Variants in UBL3 observed in about 807,000 individuals in gnomAD.
The protein encoded by UBL3 is ubiquitin-like protein 3.
A neutral mutation model predicts 18.4 loss-of-function variants in UBL3; 6 were observed. The ratio of observed to expected loss-of-function variants is 0.33; its 90% CI spans 0.18 to 0.64. The LOEUF is 0.64. UBL3 is among the 30% of genes least tolerant of loss of function. UBL3 has a pLI of 0.76. For missense variants in UBL3, 109 were observed against 142.9 expected (o/e 0.76, Z 1.21); for synonymous variants, 49 against 46.6 (o/e 1.05, Z -0.21).
At chr13:29,811,045 C>A (rs1878066033) in intron 1 of UBL3, among the ~76,000 whole-genome samples, 1 of 151,988 alleles carries the variant, frequency 6.6e-6, no homozygotes, top group Non-Finnish European at 1.5e-5. Context: ...CAAAGCACTG[C>A]TAGGGAAAAG....
At chr13:29,817,559 A>C (rs1287715049) in intron 1 of UBL3, among the ~76,000 whole-genome samples, 2 of 152,250 alleles carry the variant, frequency 1.3e-5, no homozygotes, top group African/African-American at 4.8e-5. Flanking sequence ...GAAATGTATT[A>C]GAAAGGAAAG....
At chr13:29,829,922 A>G (rs1878731973) in intron 1 of UBL3, among the ~76,000 whole-genome samples, 1 of 152,230 alleles carries the variant, frequency 6.6e-6, no homozygotes, top group Non-Finnish European at 1.5e-5. Context: ...GCTTAAATTA[A>G]TCATCTAATA....
chr13:29,842,917 C>A (rs1471201652), intron 1 of UBL3, among the ~76,000 whole-genome samples: 3 of 152,208 alleles, frequency 2.0e-5, no homozygotes, highest in African/African-American at 7.2e-5. Flanking sequence ...CTCCTAAAAT[C>A]CTACTCAGAC....
chr13:29,809,143 A>C (rs1877973260), intron 1 of UBL3, among the ~76,000 whole-genome samples: 2 of 152,166 alleles, frequency 1.3e-5, no homozygotes, highest in Non-Finnish European at 2.9e-5. Flanking sequence ...ACAGCGATGA[A>C]GACAGGTAAA....
chr13:29,796,508 AT>A (rs1877617247), intron 1 of UBL3, among the ~76,000 whole-genome samples: 1 of 152,208 alleles, frequency 6.6e-6, no homozygotes, highest in Admixed American at 6.5e-5. Context: ...ACTTATAAAA[AT>A]GGTCAACCTT....
chr13:29,849,600 A>G lies in UBL3; in HGVS notation c.-62T>C. 6.3e-7 allele frequency: 1 copy of G among 1,597,962 alleles called. No homozygotes were observed. Among genetic ancestry groups the G allele is most frequent in the Non-Finnish European group, 8.6e-7 (1 of 1,169,158 alleles). On this transcript the variant is annotated 5_prime_UTR_variant, in exon 1 of 5. Transcript: ENST00000380680. ...AAACAAACAAAGAAAAAAGAGCAGA[A>G]GTCTTCACGTTACAGAAATAAACCA...
At chr13:29,831,583 C>A in intron 1 of UBL3, among the ~76,000 whole-genome samples, 1 of 145,482 alleles carries the variant, frequency 6.9e-6, no homozygotes, top group Non-Finnish European at 1.5e-5. Context: ...AGCAAAACTC[C>A]GTCTCAAAAG....
intron 1 of UBL3, among the ~76,000 whole-genome samples, chr13:29,801,001 C>T (rs1413558132): frequency 6.6e-6 from 1 of 152,154 alleles, no homozygotes; most frequent in African/African-American, 2.4e-5. Context: ...TGCCTCTCAA[C>T]CTGGACCCCC....
At chr13:29,798,912 G>A (rs1195922928) in intron 1 of UBL3, among the ~76,000 whole-genome samples, 2 of 152,124 alleles carry the variant, frequency 1.3e-5, no homozygotes, top group African/African-American at 4.8e-5. Context: ...TTGTGCTAAC[G>A]ATATTTATAT....
intron 2 of UBL3, among the ~76,000 whole-genome samples, 192 bp from the exon 3 acceptor site, chr13:29,772,390 C>G (rs1876866084): frequency 1.3e-5 from 2 of 151,990 alleles, no homozygotes; most frequent in African/African-American, 4.8e-5. Flanking sequence ...TTTTAAGTAG[C>G]AAGAGCTGCA....
rs371580019 is a variant in UBL3, at chr13:29,806,046, G to A, written c.28-28783C>T. Among the ~76,000 whole-genome samples, 19 of 152,242 alleles carry A rather than the reference G, an allele frequency of 1.2e-4. No individual in the cohort carries two copies. In the East Asian group the frequency reaches 1.5e-3, roughly 12 times the overall value. ...CAAAAAATTAGCTGGGCATGGTGGC[G>A]TGTGCCTGTAGTCCCAGCTGCTTGG... On this transcript the variant is annotated intron_variant, in intron 1 of 4. Coordinates refer to ENST00000380680, the MANE Select transcript of UBL3 (RefSeq NM_007106.4).
At chr13:29,813,211 A>G (rs147537410) in intron 1 of UBL3, among the ~76,000 whole-genome samples, 3 of 152,158 alleles carry the variant, frequency 2.0e-5, no homozygotes, top group South Asian at 2.1e-4. Context: ...TATCAATCAG[A>G]TATCTCCCTT....
At chr13:29,821,409 T>A (rs971823191) in intron 1 of UBL3, among the ~76,000 whole-genome samples, 31 of 152,350 alleles carry the variant, frequency 2.0e-4, no homozygotes, top group African/African-American at 7.0e-4. Flanking sequence ...TACTGCGTCA[T>A]GTCATAGTAA....
In UBL3 at chr13:29,766,979, A is replaced by C. The variant is rs780017059; in HGVS notation, c.*276T>G. On this transcript the variant is annotated 3_prime_UTR_variant, in exon 5 of 5. Transcript: ENST00000380680. ...AAAATGGTTTCTGCTACGAAAGATA[A>C]CTTGTTAACTTTTCCCCTGGAGATT... 3 of 287,532 alleles carry C rather than the reference A, an allele frequency of 1.0e-5. No individual in the cohort carries two copies. Among genetic ancestry groups the C allele is most frequent in the Non-Finnish European group, 1.3e-5 (2 of 156,370 alleles). 17.8% of individuals were successfully genotyped at this position (287,532 alleles called of 1,614,324 possible).
At chr13:29,786,424 A>T (rs1877319756) in intron 1 of UBL3, among the ~76,000 whole-genome samples, 1 of 152,204 alleles carries the variant, frequency 6.6e-6, no homozygotes, top group African/African-American at 2.4e-5. Flanking sequence ...GATGTCTGAG[A>T]GGGAATGGCA....
chr13:29,846,690 C>T (rs1038568244), intron 1 of UBL3, among the ~76,000 whole-genome samples: 5 of 152,100 alleles, frequency 3.3e-5, no homozygotes, highest in Admixed American at 6.5e-5. Context: ...TAGGGGTTAA[C>T]TTCACCACTC....
intron 1 of UBL3, among the ~76,000 whole-genome samples, chr13:29,829,482 C>T (rs960501563): frequency 2.6e-5 from 4 of 152,244 alleles, no homozygotes; most frequent in Non-Finnish European, 5.9e-5. Flanking sequence ...GTGGGACCCT[C>T]CAAGCCAGGC....
intron 1 of UBL3, among the ~76,000 whole-genome samples, chr13:29,815,411 C>T (rs1315216871): frequency 2.0e-5 from 3 of 152,122 alleles, no homozygotes; most frequent in African/African-American, 7.2e-5. Context: ...ATGAATTACC[C>T]ACCTACCATA....
chr13:29,829,919 T>A (rs1269257160), intron 1 of UBL3, among the ~76,000 whole-genome samples: 1 of 152,064 alleles, frequency 6.6e-6, no homozygotes, highest in Non-Finnish European at 1.5e-5. Context: ...CTAGCTTAAA[T>A]TAATCATCTA....
Sources: allele counts gnomAD v4.1 joint callset (sites outside exome capture counted in the v4.1 genomes callset), GRCh38; gene constraint gnomAD v4.1.1; transcripts MANE v1.5; gene names NCBI Gene and HGNC (gene_info 2026-07-23, HGNC 2026-07-21).